Variants in DENND11 observed in about 807,000 individuals in gnomAD.
The protein encoded by DENND11 is DENN domain containing 11.
Under a neutral mutation model 49.2 loss-of-function variants are expected in DENND11, and 34 were observed. The ratio of observed to expected loss-of-function variants is 0.69; its 90% CI spans 0.53 to 0.92. The LOEUF is 0.92. Ranked by LOEUF, DENND11 falls within the 40% of genes least tolerant of loss-of-function variation. DENND11 has a pLI of 0.00. For synonymous variants in DENND11, 238 were observed against 230.3 expected, an observed-to-expected ratio of 1.03 and a Z score of -0.30; for missense variants, 475 against 581.6, an observed-to-expected ratio of 0.82 and a Z score of 1.88.
At chr7:141,674,521 T>C (rs1798035921) in intron 3 of DENND11, among the ~76,000 whole-genome samples, 1 of 152,170 alleles carries the variant, frequency 6.6e-6, no homozygotes, top group African/African-American at 2.4e-5. Flanking sequence ...ATGTCTATTG[T>C]TCTTGAGCAA....
intron 4 of DENND11, among the ~76,000 whole-genome samples, chr7:141,669,638 T>C (rs992029370): frequency 7.2e-5 from 11 of 152,000 alleles, no homozygotes; most frequent in Non-Finnish European, 1.3e-4. Flanking sequence ...AGTTTTATAT[T>C]TCAATAAAAA....
At chr7:141,669,890 G>A (rs568519479) in intron 4 of DENND11, among the ~76,000 whole-genome samples, 2,175 of 143,522 alleles carry the variant, frequency 0.015, 57 homozygotes, top group African/African-American at 0.053. Flanking sequence ...GCTCACTGCA[G>A]GCTCCGCCCC....
rs1448383828 is a variant in DENND11, at chr7:141,687,348, G to C, written c.269-690C>G. Among the ~76,000 whole-genome samples the C allele has an allele frequency of 2.6e-5, 4 of 152,252 alleles. No individual in the cohort carries two copies. The East Asian group carries it at 5.8e-4, about 22-fold the overall frequency. ...AGTTTCTCCTGAGCTAGATGCTGGA[G>C]ATACAAAGTCCCTGACCTCAGTGAG... On this transcript the variant is annotated intron_variant, in intron 1 of 8. Coordinates refer to ENST00000536163, the MANE Select transcript of DENND11 (RefSeq NM_001080392.2).
intron 3 of DENND11, among the ~76,000 whole-genome samples, chr7:141,680,990 G>A (rs1346286395): frequency 6.6e-6 from 1 of 152,152 alleles, no homozygotes; most frequent in Non-Finnish European, 1.5e-5. Context: ...CTGGAAATGA[G>A]TTACTACAGT....
intron 1 of DENND11, 138 bp downstream of exon 1, chr7:141,701,748 G>A (rs1798523324): frequency 2.8e-6 from 2 of 714,490 alleles, no homozygotes; most frequent in Non-Finnish European, 3.7e-6. Context: ...CCCCAAGCCC[G>A]GGAGCCCGGG....
At chr7:141,666,890 G>A (rs780687699) in intron 4 of DENND11, among the ~76,000 whole-genome samples, 3 of 152,076 alleles carry the variant, frequency 2.0e-5, no homozygotes, top group Admixed American at 6.5e-5. Flanking sequence ...GGAGCCCCTG[G>A]CATAACCCCT....
At chr7:141,694,052 TTA>T (rs1374397916) in intron 1 of DENND11, among the ~76,000 whole-genome samples, 2 of 152,150 alleles carry the variant, frequency 1.3e-5, no homozygotes, top group Non-Finnish European at 2.9e-5. Flanking sequence ...TAAAGGGAAA[TTA>T]TATGTGTATG....
chr7:141,666,436 T>G lies in DENND11; in HGVS notation c.682-11A>C, dbSNP rs745573758. ...AGCTGGGTGTGTGATCTGAAAAAAT[T>G]GAGGGGAATAGGGAGGAGAAAGAGT... On this transcript the variant is annotated splice_polypyrimidine_tract_variant and intron_variant, in intron 4 of 8. Transcript: ENST00000536163. 1.3e-6 allele frequency: 2 copies of G among 1,593,024 alleles called. No individual in the cohort carries two copies. The highest frequency in any genetic ancestry group is 3.4e-5 in the Admixed American group (2 of 59,350).
At chr7:141,679,169 C>T (rs1284002839) in intron 3 of DENND11, among the ~76,000 whole-genome samples, 1 of 152,220 alleles carries the variant, frequency 6.6e-6, no homozygotes, top group African/African-American at 2.4e-5. Flanking sequence ...GTGCTTCTTT[C>T]TTTTCCTCAT....
chr7:141,681,860 GAAGA>G (rs1033743726), intron 3 of DENND11, among the ~76,000 whole-genome samples: 3 of 152,194 alleles, frequency 2.0e-5, no homozygotes, highest in African/African-American at 4.8e-5. Flanking sequence ...GGAGGAAAAT[GAAGA>G]AAGAATCTTC....
intron 4 of DENND11, among the ~76,000 whole-genome samples, chr7:141,669,443 T>A (rs1789375297): frequency 6.6e-6 from 1 of 150,912 alleles, no homozygotes; most frequent in Non-Finnish European, 1.5e-5. Flanking sequence ...AGATGGGGTT[T>A]CACCATGTTG....
At position 141,675,278 on chromosome 7, in the gene DENND11, C is replaced by T. The variant is rs77061904; in HGVS notation, c.528-1058G>A. ...CAGCAGCTCAGGGAGAGTCCTGGAACGGATTCTCCTGCATAGCCCCAGAGG... is the reference window on the plus strand; with the variant it reads ...CAGCAGCTCAGGGAGAGTCCTGGAATGGATTCTCCTGCATAGCCCCAGAGG... On this transcript the variant is annotated intron_variant, in intron 3 of 8. Coordinates refer to ENST00000536163, the MANE Select transcript of DENND11 (RefSeq NM_001080392.2). Among the ~76,000 whole-genome samples the T allele has an allele frequency of 7.5e-3, 1,145 of 152,308 alleles. 20 individuals carry two copies. The highest frequency in any genetic ancestry group is 0.026 in the African/African-American group (1,090 of 41,568).
At chr7:141,681,130 A>G (rs1212680115) in intron 3 of DENND11, among the ~76,000 whole-genome samples, 4 of 152,136 alleles carry the variant, frequency 2.6e-5, no homozygotes, top group Non-Finnish European at 4.4e-5. Flanking sequence ...AACTTCAATA[A>G]CTTGGGAGAC....
intron 1 of DENND11, among the ~76,000 whole-genome samples, chr7:141,696,711 A>G (rs189754560): frequency 6.6e-6 from 1 of 152,000 alleles, no homozygotes; most frequent in East Asian, 1.9e-4. Context: ...GGCATGAATC[A>G]AAGAGTATTC....
At chr7:141,684,427 A>G (rs1409766743) in intron 3 of DENND11, among the ~76,000 whole-genome samples, 1 of 152,222 alleles carries the variant, frequency 6.6e-6, no homozygotes, top group Admixed American at 6.5e-5. Context: ...GCTATTTGAG[A>G]AAATTAAATT....
intron 1 of DENND11, among the ~76,000 whole-genome samples, chr7:141,691,065 T>C (rs1260580975): frequency 6.6e-6 from 1 of 152,212 alleles, no homozygotes; most frequent in Non-Finnish European, 1.5e-5. Context: ...TCAGAACCTG[T>C]TATTTTTAGC....
At chr7:141,675,796 A>G (rs572197360) in intron 3 of DENND11, among the ~76,000 whole-genome samples, 17 of 152,222 alleles carry the variant, frequency 1.1e-4, no homozygotes, top group Non-Finnish European at 2.1e-4. Context: ...AAAGGAAAAA[A>G]ATCATCACTA....
At chr7:141,675,346 T>C (rs1216514097) in intron 3 of DENND11, among the ~76,000 whole-genome samples, 2 of 152,190 alleles carry the variant, frequency 1.3e-5, no homozygotes, top group Non-Finnish European at 2.9e-5. Context: ...TTCCAGCCTC[T>C]AGAACAGTGA....
At chr7:141,673,217 G>A (rs1339245160) in intron 4 of DENND11, among the ~76,000 whole-genome samples, 5 of 151,726 alleles carry the variant, frequency 3.3e-5, no homozygotes, top group African/African-American at 4.8e-5. Context: ...TATAAGCCTC[G>A]GTTGTTTTCG....
Sources: gnomAD v4.1 joint callset for allele counts (sites outside exome capture counted in the v4.1 genomes callset) on GRCh38, gnomAD v4.1.1 for gene constraint, MANE v1.5 for transcripts, NCBI Gene and HGNC (gene_info 2026-07-23, HGNC 2026-07-21) for gene names.